The following SLC24A2 variants were observed in gnomAD, a reference collection of about 807,000 sequenced individuals.
SLC24A2 encodes sodium/potassium/calcium exchanger 2.
SLC24A2 carries 36 observed loss-of-function variants against 62.0 expected under a neutral mutation model. That is an observed-to-expected ratio of 0.58 (90% CI 0.44 to 0.77). The LOEUF (loss-of-function observed/expected upper bound fraction) is 0.77, where lower values mean the gene tolerates loss of function less well. SLC24A2 is among the 30% of genes least tolerant of loss of function. SLC24A2 has a pLI of 0.00. For missense variants in SLC24A2, 846 were observed against 817.9 expected (o/e 1.03, Z -0.42); for synonymous variants, 358 against 294.0 (o/e 1.22, Z -2.23).
At chr9:19,996,532 G>C in the SLC24A2 span, among the ~76,000 whole-genome samples, 3 of 152,066 alleles carry the variant, frequency 2.0e-5, no homozygotes, top group African/African-American at 7.2e-5. Context: ...CTGAGGTCAG[G>C]AGTTCAAGAC....
At chr9:19,675,187 A>G (rs1366612457) in intron 2 of SLC24A2, among the ~76,000 whole-genome samples, 3 of 152,142 alleles carry the variant, frequency 2.0e-5, no homozygotes, top group Non-Finnish European at 4.4e-5. Context: ...GGGTGTCTGC[A>G]AAGAGTCCTG....
chr9:19,949,670 G>T, the SLC24A2 span, among the ~76,000 whole-genome samples: 1 of 152,322 alleles, frequency 6.6e-6, no homozygotes, highest in East Asian at 1.9e-4. Context: ...GTACAGAAGG[G>T]TCATGTCCTC....
rs573961700 is a variant in SLC24A2, at chr9:19,550,148, C to T, written c.1468G>A (p.Val490Ile). 63 of 1,613,862 alleles carry T rather than the reference C, an allele frequency of 3.9e-5. No homozygotes were observed. Among genetic ancestry groups the T allele is most frequent in the Admixed American group, 3.2e-4 (19 of 59,996 alleles). Reference protein sequence around the residue: ...VFPLWITLPDVRKPSSRKFFP... With the variant: ...VFPLWITLPDIRKPSSRKFFP... ...AATGCTTTACTTACAGGTTTGCGAA[C>T]GTCAGGTAACGTAATCCAGAGAGGA... Residue 490 changes from valine (V) to isoleucine (I), a missense_variant, in exon 8 of 11, where the codon GTT (valine) becomes ATT (isoleucine). Val to Ile is a conservative substitution (Grantham distance 29). Transcript: ENST00000341998.
At chr9:19,858,221 C>A in the SLC24A2 span, among the ~76,000 whole-genome samples, 2 of 152,090 alleles carry the variant, frequency 1.3e-5, no homozygotes, top group Non-Finnish European at 2.9e-5. Context: ...GCCATCTAAT[C>A]TTTGACAAAG....
At chr9:19,528,726 G>T (rs2132661648) in intron 8 of SLC24A2, among the ~76,000 whole-genome samples, 1 of 152,258 alleles carries the variant, frequency 6.6e-6, no homozygotes, top group South Asian at 2.1e-4. Context: ...TCTGGATGAT[G>T]GCCATTCTCC....
chr9:20,067,042 T>C, the SLC24A2 span, among the ~76,000 whole-genome samples: 2 of 152,200 alleles, frequency 1.3e-5, no homozygotes, highest in African/African-American at 4.8e-5. Flanking sequence ...TTTTGAAGTC[T>C]CAGGAAACAA....
chr9:20,115,877 G>C, the SLC24A2 span, among the ~76,000 whole-genome samples: 4 of 152,182 alleles, frequency 2.6e-5, no homozygotes, highest in Non-Finnish European at 5.9e-5. Flanking sequence ...AGCAATGATT[G>C]CATCAGACTA....
upstream of SLC24A2, among the ~76,000 whole-genome samples, chr9:19,793,659 C>G (rs530435560): frequency 1.3e-5 from 2 of 152,302 alleles, no homozygotes; most frequent in East Asian, 3.9e-4. Context: ...AACTGAGGCT[C>G]AATGAGGTTA....
At chr9:20,158,458 T>G in the SLC24A2 span, among the ~76,000 whole-genome samples, 2 of 151,612 alleles carry the variant, frequency 1.3e-5, no homozygotes, top group African/African-American at 4.8e-5. Context: ...CTACGCCTTA[T>G]GCCATTTGAG....
the SLC24A2 span, among the ~76,000 whole-genome samples, chr9:20,096,711 C>A: frequency 6.6e-6 from 1 of 151,796 alleles, no homozygotes; most frequent in African/African-American, 2.4e-5. Context: ...TTTTTTCTTA[C>A]ATTGGAGTTT....
chr9:19,853,265 T>G, the SLC24A2 span, among the ~76,000 whole-genome samples: 2 of 152,206 alleles, frequency 1.3e-5, no homozygotes, highest in Non-Finnish European at 2.9e-5. Flanking sequence ...AGAGACTATT[T>G]GACTTTCTCT....
chr9:20,008,109 T>A, the SLC24A2 span, among the ~76,000 whole-genome samples: 1 of 151,896 alleles, frequency 6.6e-6, no homozygotes, highest in Non-Finnish European at 1.5e-5. Context: ...TTGGCCAGGC[T>A]GGTCTTGAAC....
intron 2 of SLC24A2, chr9:19,705,336 CA>C (rs1820480261): frequency 6.5e-6 from 1 of 154,634 alleles, no homozygotes; most frequent in Non-Finnish European, 1.5e-5. Context: ...TGGTCCCAAA[CA>C]GAACTGAAGA....
At chr9:19,976,603 T>G in the SLC24A2 span, among the ~76,000 whole-genome samples, 1 of 152,230 alleles carries the variant, frequency 6.6e-6, no homozygotes, top group Non-Finnish European at 1.5e-5. Context: ...CTTAGGTAGT[T>G]CTTTATAGCA....
At chr9:20,094,786 C>G in the SLC24A2 span, among the ~76,000 whole-genome samples, 1 of 151,954 alleles carries the variant, frequency 6.6e-6, no homozygotes, top group Non-Finnish European at 1.5e-5. Flanking sequence ...AATGTATTTC[C>G]AAATGACCAG....
the SLC24A2 span, among the ~76,000 whole-genome samples, chr9:20,288,040 AAAC>A: frequency 0.019 from 2,833 of 147,328 alleles, 41 homozygotes; most frequent in Non-Finnish European, 0.029. Context: ...GTTAGGAAAA[AAAC>A]ACACACACAC....
the SLC24A2 span, among the ~76,000 whole-genome samples, chr9:19,864,708 A>T: frequency 6.6e-6 from 1 of 152,124 alleles, no homozygotes; most frequent in South Asian, 2.1e-4. Flanking sequence ...AAAGCTACAT[A>T]TGACAGATGA....
chr9:20,080,414 G>A, the SLC24A2 span, among the ~76,000 whole-genome samples: 1 of 152,160 alleles, frequency 6.6e-6, no homozygotes, highest in Non-Finnish European at 1.5e-5. Flanking sequence ...TGGGAAAACT[G>A]GCTAGCCATA....
At chr9:20,048,572 T>C in the SLC24A2 span, among the ~76,000 whole-genome samples, 128 of 152,334 alleles carry the variant, frequency 8.4e-4, no homozygotes, top group Middle Eastern at 6.8e-3. Flanking sequence ...TTGGCAAATG[T>C]ATAACAAAGT....
Sources: gnomAD v4.1 joint callset for allele counts (sites outside exome capture counted in the v4.1 genomes callset) on GRCh38, gnomAD v4.1.1 for gene constraint, MANE v1.5 for transcripts, NCBI Gene and HGNC (gene_info 2026-07-23, HGNC 2026-07-21) for gene names.